The following ALMS1 variants were observed in gnomAD, a reference collection of about 807,000 sequenced individuals.
ALMS1 encodes the protein centrosome-associated protein ALMS1.
A neutral mutation model predicts 352.2 loss-of-function variants in ALMS1; 271 were observed. The ratio of observed to expected loss-of-function variants is 0.77; its 90% CI spans 0.70 to 0.85. The LOEUF is 0.85. Among genes scored for constraint, ALMS1 ranks in the 40% least tolerant of loss-of-function variants. The pLI is 0.00. For synonymous variants in ALMS1, 1,865 were observed against 1,761.2 expected, an observed-to-expected ratio of 1.06 and a Z score of -1.48; for missense variants, 5,445 against 4,870.7, an observed-to-expected ratio of 1.12 and a Z score of -3.51.
chr2:73,487,682 A>G (rs997769255), intron 9 of ALMS1, among the ~76,000 whole-genome samples: 3 of 152,158 alleles, frequency 2.0e-5, no homozygotes, highest in Non-Finnish European at 4.4e-5. Context: ...TCCTGCATCC[A>G]TGAAGAATGA....
chr2:73,515,533 C>G (rs748927870), intron 10 of ALMS1, among the ~76,000 whole-genome samples: 5 of 151,810 alleles, frequency 3.3e-5, no homozygotes, highest in Non-Finnish European at 4.4e-5. Flanking sequence ...ACTAGAAAAA[C>G]AAGAGCAAGC....
chr2:73,521,265 C>T (rs1203688820), intron 11 of ALMS1, among the ~76,000 whole-genome samples: 1 of 152,076 alleles, frequency 6.6e-6, no homozygotes, highest in East Asian at 1.9e-4. Flanking sequence ...TAACAGCAGA[C>T]ATTTGTTTTT....
intron 9 of ALMS1, among the ~76,000 whole-genome samples, chr2:73,457,760 C>T (rs778527312): frequency 5.3e-5 from 8 of 151,940 alleles, no homozygotes; most frequent in South Asian, 2.1e-4. Flanking sequence ...TGGCTGGGCG[C>T]GGTGGCTCAT....
rs1436325615 is a variant in ALMS1 at position 73,449,679 on chromosome 2, C to A, written c.3152C>A (p.Pro1051Gln). The change falls in exon 8 of 23, where the codon CCA becomes CAA. Residue 1051 changes from proline (P) to glutamine (Q), a missense_variant. Pro to Gln is a moderately conservative substitution (Grantham distance 76). Coordinates refer to ENST00000613296, the MANE Select transcript of ALMS1 (RefSeq NM_001378454.1). ...EIPAVQSSSYPQREKPSVLYP... is the reference protein window; with the variant it reads ...EIPAVQSSSYQQREKPSVLYP... ...CCAGCAGTACAGTCTAGTTCTTACCCACAGAGGGAGAAGCCTAGTGTTTTG... is the reference window on the plus strand; with the variant it reads ...CCAGCAGTACAGTCTAGTTCTTACCAACAGAGGGAGAAGCCTAGTGTTTTG... The A allele has an allele frequency of 6.2e-7, 1 of 1,614,096 alleles. No homozygotes were observed. The highest frequency in any genetic ancestry group is 8.5e-7 in the Non-Finnish European group (1 of 1,179,964).
intron 10 of ALMS1, among the ~76,000 whole-genome samples, chr2:73,508,786 C>G (rs1287340763): frequency 6.6e-6 from 1 of 152,150 alleles, no homozygotes; most frequent in East Asian, 1.9e-4. Context: ...TGTTAATTTT[C>G]TGTCTCGTTG....
At chr2:73,584,780 C>T (rs921118570) in intron 16 of ALMS1, among the ~76,000 whole-genome samples, 5 of 151,550 alleles carry the variant, frequency 3.3e-5, no homozygotes, top group Non-Finnish European at 7.4e-5. Context: ...TTCCTCACCC[C>T]GCTCCCACCC....
intron 10 of ALMS1, among the ~76,000 whole-genome samples, chr2:73,499,318 G>A (rs1418423363): frequency 6.6e-6 from 1 of 152,024 alleles, no homozygotes; most frequent in Non-Finnish European, 1.5e-5. Context: ...TCACTTTATT[G>A]ATTGTACCCT....
intron 10 of ALMS1, among the ~76,000 whole-genome samples, chr2:73,519,057 G>A (rs546532939): frequency 1.3e-5 from 2 of 152,272 alleles, no homozygotes; most frequent in Admixed American, 6.5e-5. Context: ...CATCACTGGT[G>A]ATGTTAACTG....
In ALMS1 at chr2:73,573,132, A is replaced by G. The variant is rs199917289; in HGVS notation, c.11255A>G (p.Asn3752Ser). Residue 3752 changes from asparagine to serine, a missense_variant, in exon 16 of 23, where the codon AAC becomes AGC. Physicochemically the swap from Asn to Ser is conservative, Grantham distance 46 (BLOSUM62 1). Transcript: ENST00000613296. ...ESELLTDTTTNILSGTTSTVE... is the reference protein window; with the variant it reads ...ESELLTDTTTSILSGTTSTVE... ...GAGCTGCTCACAGATACTACCACCA[A>G]CATCCTTTCCGGCACCACTTCTACT... 131 of 1,614,036 alleles carry G rather than the reference A, an allele frequency of 8.1e-5. No homozygotes were observed. In the African/African-American group the frequency reaches 1.6e-3, roughly 20 times the overall value.
intron 1 of ALMS1, among the ~76,000 whole-genome samples, chr2:73,393,404 A>T (rs532835445): frequency 2.0e-4 from 30 of 150,106 alleles, no homozygotes; most frequent in South Asian, 4.2e-4. Context: ...TTTTTTTTTT[A>T]AATTTTATTG....
chr2:73,584,108 A>G (rs1675258273), intron 16 of ALMS1, among the ~76,000 whole-genome samples: 1 of 152,164 alleles, frequency 6.6e-6, no homozygotes, highest in East Asian at 1.9e-4. Flanking sequence ...CACTTTCTCA[A>G]TCTGTCAGTG....
chr2:73,510,796 T>G (rs990546209), intron 10 of ALMS1, among the ~76,000 whole-genome samples: 4 of 152,206 alleles, frequency 2.6e-5, no homozygotes, highest in Admixed American at 6.5e-5. Flanking sequence ...CGTTTAAGTC[T>G]GCTGAAGCTG....
intron 1 of ALMS1, among the ~76,000 whole-genome samples, chr2:73,405,839 T>C (rs1452610944): frequency 6.6e-6 from 1 of 152,216 alleles, no homozygotes. Context: ...GTTTGTTGTT[T>C]AATTTCTATA....
At chr2:73,545,828 T>C (rs571826807) in intron 12 of ALMS1, among the ~76,000 whole-genome samples, 13 of 152,336 alleles carry the variant, frequency 8.5e-5, no homozygotes, top group Admixed American at 7.2e-4. Flanking sequence ...CACTCTACCC[T>C]TTATGAACAT....
chr2:73,572,279 G>T lies in ALMS1; in HGVS notation c.10402G>T (p.Glu3468Ter). The change falls in exon 16 of 23, where the codon GAA becomes TAA. Residue 3468 changes from glutamate to a stop codon, truncating the protein, a stop_gained. Coordinates refer to ENST00000613296, the MANE Select transcript of ALMS1 (RefSeq NM_001378454.1). LOFTEE classifies it high-confidence loss of function. ...CTTTTCAGAGTCCGAATGTCATTCA[G>T]AATTTGAAAATACTACCCGTTCTGT... ...INIEESECHSEFENTTRSVFR... is the reference protein window; with the variant it reads ...INIEESECHS 6.2e-7 allele frequency: 1 copy of T among 1,607,788 alleles called. No homozygotes were observed. Among genetic ancestry groups the T allele is most frequent in the Non-Finnish European group, 8.5e-7 (1 of 1,178,372 alleles).
intron 10 of ALMS1, among the ~76,000 whole-genome samples, chr2:73,496,787 G>C (rs1673117115): frequency 6.6e-6 from 1 of 152,102 alleles, no homozygotes; most frequent in Non-Finnish European, 1.5e-5. Context: ...TTGTACAGTG[G>C]TATCTCAACA....
chr2:73,386,071 TAGACGACGA>T lies in ALMS1; in HGVS notation c.204_212del (p.Ile68_Glu71delinsMet), dbSNP rs1553396244. On this transcript the variant is annotated inframe_deletion, in exon 1 of 23. Transcript: ENST00000613296. ...TACGGGCCCCAGCATCTGGAAAGTA[TAGACGACGA>T]GGAGGACGAGGAGGCCAAGGCCTGG... 7 of 1,595,430 alleles carry T rather than the reference TAGACGACGA, an allele frequency of 4.4e-6. No individual in the cohort carries two copies. The highest frequency in any genetic ancestry group is 2.7e-5 in the African/African-American group (2 of 74,480).
intron 11 of ALMS1, among the ~76,000 whole-genome samples, chr2:73,532,940 T>TG (rs2103988414): frequency 6.6e-6 from 1 of 152,102 alleles, no homozygotes; most frequent in African/African-American, 2.4e-5. Context: ...AGTCAGCAGG[T>TG]GATGAATCCT....
At chr2:73,447,914 A>G in intron 7 of ALMS1, 46 bp from the exon 8 acceptor site, 1 of 1,529,138 alleles carries the variant, frequency 6.5e-7, no homozygotes, top group Non-Finnish European at 8.7e-7. Flanking sequence ...ATAGAATTTT[A>G]AAATAGAAAA....
Sources: allele counts gnomAD v4.1 joint callset (sites outside exome capture counted in the v4.1 genomes callset), GRCh38; gene constraint gnomAD v4.1.1; transcripts MANE v1.5; gene names NCBI Gene and HGNC (gene_info 2026-07-23, HGNC 2026-07-21).